Variants in NHSL2 observed in about 807,000 individuals in gnomAD.
NHSL2 encodes NHS like 2.
NHSL2 carries 27 observed loss-of-function variants against 53.4 expected under a neutral mutation model. That is an observed-to-expected ratio of 0.51 (90% CI 0.37 to 0.70). The LOEUF is 0.70. NHSL2 is among the 30% of genes least tolerant of loss of function. NHSL2 has a pLI of 0.00. For synonymous variants in NHSL2, 408 were observed against 404.1 expected (o/e 1.01, Z -0.12); for missense variants, 892 against 980.1 (o/e 0.91, Z 1.20).
intron 1 of NHSL2, among the ~76,000 whole-genome samples, chrX:72,012,287 T>G (rs972404361): frequency 8.9e-6 from 1 of 111,959 alleles, no homozygotes. Flanking sequence ...TTTTTTTTTG[T>G]ATAAGGTGTG....
At chrX:71,960,965 G>A (rs149388203) in intron 1 of NHSL2, among the ~76,000 whole-genome samples, 153 of 111,963 alleles carry the variant, frequency 1.4e-3, no homozygotes, top group African/African-American at 4.8e-3. Context: ...GATTGTTTTC[G>A]GTAGTATTGA....
Position 72,107,800 on chromosome X carries a change from G to T in NHSL2, c.281-24279G>T. Among the ~76,000 whole-genome samples the T allele has an allele frequency of 1.8e-5, 2 of 112,100 alleles. 1 individual carries two copies. ...CATTCTAGAGCAAAGGAACAATTCA[G>T]CTGATGAATGGTGCTCCTAAAGGAA... On this transcript the variant is annotated intron_variant, in intron 1 of 7. Coordinates refer to ENST00000633930, the MANE Select transcript of NHSL2 (RefSeq NM_001013627.3).
Position 72,138,475 on chromosome X carries a change from C to T in NHSL2, c.927C>T (p.His309=). Residue 309 remains histidine, a synonymous_variant, in exon 6 of 8, where the codon CAC becomes CAT. Transcript: ENST00000633930. ...HSNSPAGSVA[H]STTSDIRPSH... ...ACAGCCCAGCAGGCAGTGTGGCCCA[C>T]TCTACCACCTCCGACATCAGGCCCA... is the stretch of plus-strand genomic sequence containing the variant. 8.6e-7 allele frequency: 1 copy of T among 1,159,024 alleles called. No homozygotes were observed. Among genetic ancestry groups the T allele is most frequent in the Non-Finnish European group, 1.2e-6 (1 of 866,929 alleles).
intron 1 of NHSL2, among the ~76,000 whole-genome samples, chrX:72,093,713 GCTTGCTTGCTTTCTTT>G (rs1385833807): frequency 1.3e-3 from 67 of 50,883 alleles, no homozygotes; most frequent in South Asian, 4.1e-3. Flanking sequence ...CCCTAGTATA[GCTTGCTTGCTTTCTTT>G]CTTTCTTTCT....
intron 1 of NHSL2, among the ~76,000 whole-genome samples, chrX:71,939,155 G>T (rs1286425824): frequency 9.0e-6 from 1 of 111,647 alleles, no homozygotes; most frequent in African/African-American, 3.3e-5. Flanking sequence ...TGGTAGCCAG[G>T]TGAAGGCAGG....
chrX:72,137,368 T>C (rs2042365756), intron 5 of NHSL2, 143 bp downstream of exon 5: 1 of 541,387 alleles, frequency 1.8e-6, no homozygotes, highest in Non-Finnish European at 2.9e-6. Context: ...AAAGCCAATA[T>C]GGTAATTAAG....
intron 1 of NHSL2, among the ~76,000 whole-genome samples, chrX:72,121,264 G>A (rs1386497635): frequency 1.8e-5 from 2 of 111,863 alleles, no homozygotes; most frequent in Non-Finnish European, 3.8e-5. Context: ...TGGCCCAGTT[G>A]GTCATCTTTC....
At chrX:71,978,141 A>G (rs1040003085) in intron 1 of NHSL2, among the ~76,000 whole-genome samples, 1 of 112,820 alleles carries the variant, frequency 8.9e-6, no homozygotes, top group African/African-American at 3.2e-5. Flanking sequence ...AGTACCTACC[A>G]CATAAGAAGC....
At chrX:72,007,441 A>G (rs2042099045) in intron 1 of NHSL2, among the ~76,000 whole-genome samples, 1 of 112,639 alleles carries the variant, frequency 8.9e-6, no homozygotes, top group Admixed American at 9.3e-5. Flanking sequence ...AGCAGAAAGC[A>G]GCACTGCCAT....
intron 1 of NHSL2, among the ~76,000 whole-genome samples, chrX:72,025,169 G>A (rs765245051): frequency 8.9e-6 from 1 of 111,870 alleles, no homozygotes; most frequent in South Asian, 3.7e-4. Context: ...ACCTCACAAT[G>A]TACCCTATAA....
chrX:72,005,415 T>C (rs1263332291), intron 1 of NHSL2, among the ~76,000 whole-genome samples: 1 of 112,389 alleles, frequency 8.9e-6, no homozygotes, highest in African/African-American at 3.2e-5. Flanking sequence ...CTATTGTTGC[T>C]TGGGGTGAGT....
chrX:72,076,587 C>T (rs1467508568), intron 1 of NHSL2, among the ~76,000 whole-genome samples: 1 of 111,708 alleles, frequency 9.0e-6, no homozygotes, highest in Admixed American at 9.5e-5. Flanking sequence ...TGGTCATGGC[C>T]GTACAGCCAT....
rs764641497 is a variant in NHSL2, at chrX:71,997,209, A to T, written c.280+85842A>T. ...CACTACAAGGGCAACAAATCGGTAGAAGGGGGATCAGGACAGGACTCTACG... is the reference window on the plus strand; with the variant it reads ...CACTACAAGGGCAACAAATCGGTAGTAGGGGGATCAGGACAGGACTCTACG... On this transcript the variant is annotated intron_variant, in intron 1 of 7. Transcript: ENST00000633930. 1.3e-4 allele frequency among the ~76,000 whole-genome samples: 14 copies of T among 111,762 alleles called. No homozygotes were observed. The East Asian group carries it at 4.0e-3, about 32-fold the overall frequency.
intron 1 of NHSL2, among the ~76,000 whole-genome samples, chrX:72,050,606 A>G (rs1427434820): frequency 8.9e-6 from 1 of 112,205 alleles, no homozygotes; most frequent in African/African-American, 3.2e-5. Flanking sequence ...AAAAGAAAAC[A>G]TTACAGTCCA....
intron 1 of NHSL2, among the ~76,000 whole-genome samples, chrX:72,091,723 T>G (rs2041901627): frequency 9.0e-6 from 1 of 111,095 alleles, no homozygotes. Context: ...CAGCGGTGGA[T>G]GTAGCCCACA....
Position 71,999,978 on chromosome X carries a change from G to C in NHSL2, c.280+88611G>C, listed in dbSNP as rs750539657. ...TGAAAGCATTATGGGAGAATCCATT[G>C]GTTATATGGAATTTATAATAAAGAG... On this transcript the variant is annotated intron_variant, in intron 1 of 7. Coordinates refer to ENST00000633930, the MANE Select transcript of NHSL2 (RefSeq NM_001013627.3). Among the ~76,000 whole-genome samples, 3 of 111,936 alleles carry C rather than the reference G, an allele frequency of 2.7e-5. No homozygotes were observed. The South Asian group carries it at 1.1e-3, about 41-fold the overall frequency.
At chrX:71,936,138 A>G (rs2041737225) in intron 1 of NHSL2, among the ~76,000 whole-genome samples, 1 of 112,047 alleles carries the variant, frequency 8.9e-6, no homozygotes, top group South Asian at 3.8e-4. Flanking sequence ...GCCCGAGGCC[A>G]CACAGCTACC....
In NHSL2 at chrX:72,108,528, G is replaced by A. The variant is rs754723376; in HGVS notation, c.281-23551G>A. On this transcript the variant is annotated intron_variant, in intron 1 of 7. Coordinates refer to ENST00000633930, the MANE Select transcript of NHSL2 (RefSeq NM_001013627.3). Reference sequence around the variant, plus strand: ...CAGAGCCAGGATTTGAACCCACATCGTCTGCTCCAGAGCCTTCGCTCTGCT... The same window carrying A: ...CAGAGCCAGGATTTGAACCCACATCATCTGCTCCAGAGCCTTCGCTCTGCT... Among the ~76,000 whole-genome samples the A allele has an allele frequency of 2.7e-5, 3 of 113,064 alleles. No individual in the cohort carries two copies. In the Admixed American group the frequency reaches 2.8e-4, roughly 10 times the overall value.
intron 7 of NHSL2, among the ~76,000 whole-genome samples, chrX:72,142,863 AGGGG>A (rs2042429811): frequency 8.9e-6 from 1 of 112,048 alleles, no homozygotes; most frequent in Admixed American, 9.4e-5. Context: ...GTTACAAGGC[AGGGG>A]TTCAGTGACA....
Sources: gnomAD v4.1 joint callset for allele counts (sites outside exome capture counted in the v4.1 genomes callset) on GRCh38, gnomAD v4.1.1 for gene constraint, MANE v1.5 for transcripts, NCBI Gene and HGNC (gene_info 2026-07-23, HGNC 2026-07-21) for gene names.